Variants in APP observed in about 807,000 individuals in gnomAD.
The protein encoded by APP is amyloid-beta precursor protein.
Under a neutral mutation model 101.4 loss-of-function variants are expected in APP, and 31 were observed. That is an observed-to-expected ratio of 0.31 (90% CI 0.23 to 0.41). The LOEUF is 0.41. Ranked by LOEUF, APP falls within the 10% of genes least tolerant of loss-of-function variation. The pLI is 1.00. For missense variants in APP, 839 were observed against 1,003.7 expected, an observed-to-expected ratio of 0.84 and a Z score of 2.22; for synonymous variants, 366 against 364.4, an observed-to-expected ratio of 1.00 and a Z score of -0.05.
At chr21:26,032,738 A>T (rs939602832) in intron 5 of APP, among the ~76,000 whole-genome samples, 1 of 151,816 alleles carries the variant, frequency 6.6e-6, no homozygotes, top group Admixed American at 6.6e-5. Context: ...TGAAAATGGT[A>T]TAAAAATATC....
chr21:26,079,249 C>T (rs2061552023), intron 3 of APP, among the ~76,000 whole-genome samples: 1 of 152,054 alleles, frequency 6.6e-6, no homozygotes, highest in Admixed American at 6.6e-5. Flanking sequence ...GAAGAAAGTC[C>T]ACTTTCTTCT....
At chr21:25,916,908 C>T (rs1380499229) in intron 13 of APP, among the ~76,000 whole-genome samples, 1 of 152,176 alleles carries the variant, frequency 6.6e-6, no homozygotes, top group East Asian at 1.9e-4. Flanking sequence ...TCATCAATAA[C>T]AGAGGTATTT....
At chr21:26,033,862 A>G (rs1191007668) in intron 5 of APP, among the ~76,000 whole-genome samples, 2 of 152,176 alleles carry the variant, frequency 1.3e-5, no homozygotes, top group Non-Finnish European at 2.9e-5. Flanking sequence ...TGATGCTTTG[A>G]GTTGGAGAAT....
At chr21:26,139,160 TA>T (rs941144535) in intron 1 of APP, among the ~76,000 whole-genome samples, 11 of 150,322 alleles carry the variant, frequency 7.3e-5, no homozygotes, top group African/African-American at 1.2e-4. Context: ...AGTAAATAAG[TA>T]AAAAAAAATA....
rs570255401 is a variant in APP at position 25,912,601 on chromosome 21, G to A, written c.1688-639C>T. Among the ~76,000 whole-genome samples the A allele has an allele frequency of 6.6e-5, 10 of 152,288 alleles. No individual in the cohort carries two copies. The South Asian group carries it at 2.1e-3, about 32-fold the overall frequency. ...TTGCCCTTCCAGATGTAGCCCTGCAGACAGACATCCAGCCTTCTCTGGACT... is the reference window on the plus strand; with the variant it reads ...TTGCCCTTCCAGATGTAGCCCTGCAAACAGACATCCAGCCTTCTCTGGACT... On this transcript the variant is annotated intron_variant, in intron 13 of 17. Coordinates refer to ENST00000346798, the MANE Select transcript of APP (RefSeq NM_000484.4).
intron 13 of APP, among the ~76,000 whole-genome samples, chr21:25,944,399 G>C (rs893648821): frequency 6.6e-6 from 1 of 152,128 alleles, no homozygotes; most frequent in Non-Finnish European, 1.5e-5. Context: ...TTTTTGATGA[G>C]ATATTATAAC....
intron 11 of APP, among the ~76,000 whole-genome samples, chr21:25,970,967 AG>A (rs2042009817): frequency 6.6e-6 from 1 of 152,174 alleles, no homozygotes; most frequent in Non-Finnish European, 1.5e-5. Flanking sequence ...AAACAATTCC[AG>A]CCAAGATTGA....
intron 2 of APP, among the ~76,000 whole-genome samples, chr21:26,103,699 A>T (rs2062116223): frequency 1.3e-5 from 2 of 152,230 alleles, no homozygotes. Flanking sequence ...CTCTCAGCAT[A>T]AGCTGGATAC....
chr21:26,115,271 C>A (rs1159940419), intron 1 of APP, among the ~76,000 whole-genome samples: 1 of 151,866 alleles, frequency 6.6e-6, no homozygotes, highest in Non-Finnish European at 1.5e-5. Flanking sequence ...TACAAGAGGC[C>A]CTTCACAAAT....
At chr21:26,107,366 A>T (rs1186230939) in intron 2 of APP, among the ~76,000 whole-genome samples, 1 of 152,218 alleles carries the variant, frequency 6.6e-6, no homozygotes, top group African/African-American at 2.4e-5. Context: ...CATTTTTCAC[A>T]TCTTACAGTT....
In APP at chr21:25,954,627, G is replaced by A. The variant is rs201877705; in HGVS notation, c.1650C>T (p.Asn550=). The A allele has an allele frequency of 3.3e-5, 54 of 1,614,000 alleles. No individual in the cohort carries two copies. Among genetic ancestry groups the A allele is most frequent in the African/African-American group, 8.0e-5 (6 of 74,930 alleles). The change falls in exon 13 of 18, where the codon AAC becomes AAT. Residue 550 remains asparagine (N), a synonymous_variant. Coordinates refer to ENST00000346798, the MANE Select transcript of APP (RefSeq NM_000484.4). Reference sequence around the variant, plus strand: ...GAATCTCCTCGGCCACTGCAGGCACGTTGTAGAGCAGGGAGAGAGACTGAT... The same window carrying A: ...GAATCTCCTCGGCCACTGCAGGCACATTGTAGAGCAGGGAGAGAGACTGAT... ...RMNQSLSLLY[N]VPAVAEEIQD...
In APP at chr21:25,983,851, CG is replaced by C. The variant is rs569866262; in HGVS notation, c.1091-1375del. On this transcript the variant is annotated intron_variant, in intron 8 of 17. Transcript: ENST00000346798. ...GTGTTCCTTCTTACATTGGCAGCAA[CG>C]GGGGAAGGAAGGAAGGAAGGAAAGA... Among the ~76,000 whole-genome samples, 33 of 152,042 alleles carry C rather than the reference CG, an allele frequency of 2.2e-4. No individual in the cohort carries two copies. In the South Asian group the frequency reaches 6.7e-3, roughly 31 times the overall value.
At chr21:25,904,413 T>C (rs2038677056) in intron 15 of APP, among the ~76,000 whole-genome samples, 1 of 152,250 alleles carries the variant, frequency 6.6e-6, no homozygotes. Context: ...AAAAAAGGGC[T>C]TATGTGCAAA....
At chr21:26,062,360 G>A (rs9980178) in intron 3 of APP, among the ~76,000 whole-genome samples, 1,557 of 151,314 alleles carry the variant, frequency 0.01, 19 homozygotes, top group Non-Finnish European at 0.017. Flanking sequence ...AAAAAACCAC[G>A]GGAACAAAAT....
rs115520835 is a variant in APP, at chr21:25,942,286, G to T, written c.1687+12304C>A. On this transcript the variant is annotated intron_variant, in intron 13 of 17. Transcript: ENST00000346798. The stretch of plus-strand genomic sequence containing the variant: ...AGTTTTGTTTAACTTGGCAACAGCA[G>T]TAAGTAAGTATCACTGGACACAGAG... 3.2e-3 allele frequency: 483 copies of T among 150,778 alleles called. 1 individual carries two copies. Among genetic ancestry groups the T allele is most frequent in the African/African-American group, 0.012 (466 of 40,112 alleles). The allele number at this position is 150,778 out of a possible 1,614,324, so 9.3% of individuals were successfully genotyped here.
At chr21:25,971,360 G>A (rs893948619) in intron 11 of APP, among the ~76,000 whole-genome samples, 6 of 152,204 alleles carry the variant, frequency 3.9e-5, no homozygotes, top group African/African-American at 1.4e-4. Flanking sequence ...CAACATTTCT[G>A]CAAGACATTA....
intron 1 of APP, among the ~76,000 whole-genome samples, chr21:26,117,401 G>A (rs928949070): frequency 2.0e-5 from 3 of 152,206 alleles, no homozygotes; most frequent in African/African-American, 7.2e-5. Flanking sequence ...CATCTGTAGG[G>A]TTTTCTTTTA....
chr21:26,143,808 T>C (rs1318419096), intron 1 of APP, among the ~76,000 whole-genome samples: 1 of 152,196 alleles, frequency 6.6e-6, no homozygotes, highest in Admixed American at 6.5e-5. Context: ...GTATTTGTTT[T>C]TCTGTGTCTG....
intron 13 of APP, among the ~76,000 whole-genome samples, chr21:25,931,296 C>T (rs1183525011): frequency 6.6e-6 from 1 of 152,072 alleles, no homozygotes; most frequent in Non-Finnish European, 1.5e-5. Context: ...GTGCATGTAC[C>T]GAGGCACAGA....
Sources: gnomAD v4.1 joint callset for allele counts (sites outside exome capture counted in the v4.1 genomes callset) on GRCh38, gnomAD v4.1.1 for gene constraint, MANE v1.5 for transcripts, NCBI Gene and HGNC (gene_info 2026-07-23, HGNC 2026-07-21) for gene names.